ANKS1A: variants seen among roughly 807,000 people sequenced by gnomAD.
ANKS1A encodes the protein ankyrin repeat and SAM domain-containing protein 1A.
In ANKS1A, 55 loss-of-function variants were observed where a neutral mutation model predicts 120.3. The ratio of observed to expected loss-of-function variants is 0.46; its 90% confidence interval spans 0.37 to 0.57. The LOEUF is 0.57. ANKS1A is among the 20% of genes least tolerant of loss of function. The probability of loss-of-function intolerance (pLI) is 0.00; values close to 1 mark genes in which losing one functional copy is unlikely to be tolerated. For missense variants in ANKS1A, 1,123 were observed against 1,480.3 expected, an observed-to-expected ratio of 0.76 and a Z score of 3.96; for synonymous variants, 590 against 604.7, an observed-to-expected ratio of 0.98 and a Z score of 0.36.
intron 13 of ANKS1A, among the ~76,000 whole-genome samples, chr6:35,076,199 G>A (rs975918473): frequency 6.6e-6 from 1 of 152,130 alleles, no homozygotes; most frequent in South Asian, 2.1e-4. Context: ...CGAGATGGGC[G>A]GATCACGAGG....
Position 34,889,423 on chromosome 6 carries a change from G to T in ANKS1A, c.21G>T (p.Leu7=). Reference sequence around the variant, plus strand: ...TGGGGATGGGGAAGGAGCAGGAGCTGCTGGAGGCGGCCCGCACCGGGCACC... The same window carrying T: ...TGGGGATGGGGAAGGAGCAGGAGCTTCTGGAGGCGGCCCGCACCGGGCACC... MGKEQE[L]LEAARTGHLP... Residue 7 remains leucine, a synonymous_variant, in exon 1 of 24, where the codon CTG becomes CTT. Transcript: ENST00000360359. This position sits in a 1 kb window ranked among gnomAD's most constrained non-coding sequence, Gnocchi z 5.5. 2 of 1,285,198 alleles carry T rather than the reference G, an allele frequency of 1.6e-6. No individual in the cohort carries two copies. The highest frequency in any genetic ancestry group is 9.8e-7 in the Non-Finnish European group (1 of 1,019,812). 79.6% of individuals were successfully genotyped at this position (1,285,198 alleles called of 1,614,324 possible).
At chr6:35,012,518 G>C (rs1773812547) in intron 10 of ANKS1A, among the ~76,000 whole-genome samples, 1 of 152,164 alleles carries the variant, frequency 6.6e-6, no homozygotes, top group Non-Finnish European at 1.5e-5. Flanking sequence ...TGAGACACTG[G>C]GTCCCCCAGC....
At chr6:34,993,044 TG>T (rs1324537693) in intron 9 of ANKS1A, among the ~76,000 whole-genome samples, 1 of 152,220 alleles carries the variant, frequency 6.6e-6, no homozygotes, top group African/African-American at 2.4e-5. Flanking sequence ...ATTTGTTAGA[TG>T]GAATTGGGAA....
At chr6:35,026,338 T>C (rs1774623089) in intron 11 of ANKS1A, among the ~76,000 whole-genome samples, 1 of 152,250 alleles carries the variant, frequency 6.6e-6, no homozygotes, top group African/African-American at 2.4e-5. Flanking sequence ...TGTATTACAG[T>C]TACACGTTCA....
chr6:34,960,116 C>G (rs1770561812), intron 1 of ANKS1A, among the ~76,000 whole-genome samples: 1 of 152,170 alleles, frequency 6.6e-6, no homozygotes, highest in Non-Finnish European at 1.5e-5. Flanking sequence ...CACGCTCCTT[C>G]CCAGGGCTCC....
At chr6:34,966,209 C>T (rs1443822520) in intron 1 of ANKS1A, among the ~76,000 whole-genome samples, 1 of 152,126 alleles carries the variant, frequency 6.6e-6, no homozygotes, top group African/African-American at 2.4e-5. Flanking sequence ...CAAGTAGATG[C>T]TCTCAAGTAG....
In ANKS1A at chr6:35,009,731, C is replaced by T. The variant is rs367589301; in HGVS notation, c.1424-7742C>T. Among the ~76,000 whole-genome samples the T allele has an allele frequency of 4.0e-5, 6 of 151,646 alleles. 1 individual carries two copies. The South Asian group carries it at 1.3e-3, about 32-fold the overall frequency. Reference sequence around the variant, plus strand: ...CAGTCTGGTCAACATGGTGAAACCCCATCTCTTCTAAAAATATGAAAATTT... The same window carrying T: ...CAGTCTGGTCAACATGGTGAAACCCTATCTCTTCTAAAAATATGAAAATTT... On this transcript the variant is annotated intron_variant, in intron 10 of 23. Transcript: ENST00000360359.
chr6:35,019,274 C>T (rs970382640), intron 11 of ANKS1A, among the ~76,000 whole-genome samples: 37 of 152,294 alleles, frequency 2.4e-4, no homozygotes, highest in African/African-American at 8.7e-4. Flanking sequence ...ATTTCAAGAA[C>T]TCCATTTAGC....
intron 11 of ANKS1A, among the ~76,000 whole-genome samples, chr6:35,028,701 T>C (rs760482647): frequency 6.6e-6 from 1 of 152,256 alleles, no homozygotes; most frequent in Admixed American, 6.5e-5. Context: ...TGTGTACTGC[T>C]CTGAACCTTG....
downstream of ANKS1A, among the ~76,000 whole-genome samples, chr6:35,093,800 T>C (rs531532023): frequency 6.6e-6 from 1 of 152,250 alleles, no homozygotes; most frequent in South Asian, 2.1e-4. Context: ...AATAAATAAC[T>C]GCTCTACTCC....
In ANKS1A at chr6:35,089,874, G is replaced by A. The variant is rs1255427481; in HGVS notation, c.*1265G>A. 8 of 1,097,840 alleles carry A rather than the reference G, an allele frequency of 7.3e-6. No homozygotes were observed. The highest frequency in any genetic ancestry group is 4.3e-4 in the Middle Eastern group (1 of 2,332). 68.0% of individuals were successfully genotyped at this position (1,097,840 alleles called of 1,614,324 possible). The stretch of plus-strand genomic sequence containing the variant: ...TCCTGTGGGCACTTTAGCAGGCTCC[G>A]AGCTTTCCTGGCATAGGTCAATCAG... On this transcript the variant is annotated 3_prime_UTR_variant, in exon 24 of 24. Transcript: ENST00000360359.
intron 1 of ANKS1A, among the ~76,000 whole-genome samples, chr6:34,959,398 G>A (rs1017055046): frequency 6.6e-6 from 1 of 152,350 alleles, no homozygotes; most frequent in Non-Finnish European, 1.5e-5. Flanking sequence ...AAAACTGAAT[G>A]TTAGAAGTTG....
Position 34,917,640 on chromosome 6 carries a change from G to A in ANKS1A, c.197+28041G>A, listed in dbSNP as rs558662391. The stretch of plus-strand genomic sequence containing the variant: ...AATAGAGGTTCTTTGCTTCCTTCCA[G>A]CTGGGTGGACAGGAAAGACATCCTG... On this transcript the variant is annotated intron_variant, in intron 1 of 23. Transcript: ENST00000360359. Among the ~76,000 whole-genome samples, 121 of 152,296 alleles carry A rather than the reference G, an allele frequency of 7.9e-4. 1 individual carries two copies. The highest frequency in any genetic ancestry group is 8.8e-4 in the Non-Finnish European group (60 of 68,020).
At chr6:34,926,344 C>G (rs1768716201) in intron 1 of ANKS1A, among the ~76,000 whole-genome samples, 1 of 152,126 alleles carries the variant, frequency 6.6e-6, no homozygotes, top group African/African-American at 2.4e-5. Context: ...AGCTGAGAAA[C>G]TGTGAGGGCC....
At chr6:35,003,778 G>C (rs1773290574) in intron 10 of ANKS1A, among the ~76,000 whole-genome samples, 1 of 152,220 alleles carries the variant, frequency 6.6e-6, no homozygotes, top group African/African-American at 2.4e-5. Context: ...GAAAATAAGA[G>C]TGAGAACTCC....
At chr6:35,069,516 A>G (rs1300663281) in intron 13 of ANKS1A, among the ~76,000 whole-genome samples, 2 of 152,094 alleles carry the variant, frequency 1.3e-5, no homozygotes, top group Non-Finnish European at 2.9e-5. Flanking sequence ...GCACTTAGCT[A>G]GTGCCTAGAA....
At chr6:35,080,904 G>A in intron 16 of ANKS1A, 90 bp from the exon 17 acceptor site, 1 of 1,490,734 alleles carries the variant, frequency 6.7e-7, no homozygotes, top group South Asian at 1.3e-5. Context: ...GCCGCTGCCT[G>A]TGCCGTCCTA....
At chr6:34,916,816 G>C (rs191480681) in intron 1 of ANKS1A, among the ~76,000 whole-genome samples, 5 of 152,118 alleles carry the variant, frequency 3.3e-5, no homozygotes, top group Non-Finnish European at 7.3e-5. Flanking sequence ...ACAGAGTTTT[G>C]GGAAATTTCC....
intron 12 of ANKS1A, 35 bp downstream of exon 12, chr6:35,054,200 C>A: frequency 1.3e-6 from 2 of 1,595,074 alleles, no homozygotes; most frequent in Non-Finnish European, 1.7e-6. Context: ...CCCACAGAAA[C>A]TGGCAGTCTG....
Sources: gnomAD v4.1 joint callset for allele counts (sites outside exome capture counted in the v4.1 genomes callset) on GRCh38, gnomAD v4.1.1 for gene constraint, Gnocchi (gnomAD v3.1) non-coding constraint, MANE v1.5 for transcripts, NCBI Gene and HGNC (gene_info 2026-07-23, HGNC 2026-07-21) for gene names.